RFX7: variants seen among roughly 807,000 people sequenced by gnomAD.
RFX7 encodes regulatory factor X7.
RFX7 carries 26 observed loss-of-function variants against 111.8 expected under a neutral mutation model. That is an observed-to-expected ratio of 0.23 (90% confidence interval 0.17 to 0.32). The LOEUF (loss-of-function observed/expected upper bound fraction) is 0.32, where lower values mean the gene tolerates loss of function less well. Ranked by LOEUF, RFX7 falls within the 10% of genes least tolerant of loss-of-function variation. The pLI is 1.00. For synonymous variants in RFX7, 624 were observed against 624.4 expected (o/e 1.00, Z 0.01); for missense variants, 1,573 against 1,772.9 (o/e 0.89, Z 2.02).
At chr15:56,117,355 T>C (rs2042021753) in intron 5 of RFX7, among the ~76,000 whole-genome samples, 1 of 151,998 alleles carries the variant, frequency 6.6e-6, no homozygotes, top group Non-Finnish European at 1.5e-5. Context: ...GAGGAAAGAA[T>C]ATGAACAAAA....
At chr15:56,099,947 G>C (rs1197165793) in intron 8 of RFX7, among the ~76,000 whole-genome samples, 1 of 152,188 alleles carries the variant, frequency 6.6e-6, no homozygotes, top group African/African-American at 2.4e-5. Context: ...ATAGGAAAGA[G>C]ATGTTTCTTT....
intron 2 of RFX7, among the ~76,000 whole-genome samples, chr15:56,226,843 A>T (rs1482384602): frequency 6.6e-6 from 1 of 152,182 alleles, no homozygotes; most frequent in Non-Finnish European, 1.5e-5. Flanking sequence ...GGGCATCAAA[A>T]GTAAACTGCA....
Position 56,151,060 on chromosome 15 carries a change from C to T in RFX7, c.196-6577G>A, listed in dbSNP as rs570516893. ...CAAGCCTCCAAGAAATATGGGACTA[C>T]GTGAAAAGACCAAATCTACATTTGA... On this transcript the variant is annotated intron_variant, in intron 3 of 9. Transcript: ENST00000559447. Among the ~76,000 whole-genome samples the T allele has an allele frequency of 1.1e-4, 17 of 151,532 alleles. No homozygotes were observed. The East Asian group carries it at 1.2e-3, about 10-fold the overall frequency.
intron 5 of RFX7, among the ~76,000 whole-genome samples, chr15:56,128,397 A>G (rs1277800934): frequency 6.6e-6 from 1 of 152,182 alleles, no homozygotes; most frequent in Non-Finnish European, 1.5e-5. Flanking sequence ...ATTAAGTGTG[A>G]TTTATCCCAG....
intron 3 of RFX7, among the ~76,000 whole-genome samples, chr15:56,168,095 T>C (rs1030904905): frequency 6.6e-6 from 1 of 152,224 alleles, no homozygotes; most frequent in South Asian, 2.1e-4. Context: ...CTGAATTAAA[T>C]GTCTAACTCT....
At chr15:56,191,998 T>TACTCTC (rs749715315) in intron 2 of RFX7, among the ~76,000 whole-genome samples, 2 of 152,122 alleles carry the variant, frequency 1.3e-5, no homozygotes, top group Non-Finnish European at 2.9e-5. Flanking sequence ...GAACACAATA[T>TACTCTC]ACTCTCACTC....
chr15:56,232,558 C>T (rs1356877517), intron 2 of RFX7, among the ~76,000 whole-genome samples: 2 of 151,904 alleles, frequency 1.3e-5, no homozygotes, highest in African/African-American at 4.8e-5. Context: ...CAAATTTCTG[C>T]AGCAGGCTTG....
Position 56,087,794 on chromosome 15 carries a change from C to G in RFX7, c.*5551G>C, listed in dbSNP as rs1336298921. 6.1e-6 allele frequency: 2 copies of G among 328,850 alleles called. No homozygotes were observed. Among genetic ancestry groups the G allele is most frequent in the Non-Finnish European group, 1.2e-5 (2 of 166,624 alleles). The allele number at this position is 328,850 out of a possible 1,614,324, so 20.4% of individuals were successfully genotyped here. A position where few individuals can be genotyped will look rare whatever the true frequency, so the allele number is the denominator to read the frequency against. ...AAAATGGCAGGTGTCTTCTCTAGCA[C>G]CTTGTACAGAGACTGACATATTTTA... On this transcript the variant is annotated 3_prime_UTR_variant, in exon 10 of 10. Coordinates refer to ENST00000559447, the MANE Select transcript of RFX7 (RefSeq NM_022841.7).
intron 3 of RFX7, among the ~76,000 whole-genome samples, chr15:56,169,893 CA>C (rs2042826669): frequency 6.7e-6 from 1 of 148,502 alleles, no homozygotes; most frequent in African/African-American, 2.5e-5. Flanking sequence ...AGAGCAGGAG[CA>C]AAGGGAAGAA....
At chr15:56,176,579 A>G (rs372109268) in intron 3 of RFX7, among the ~76,000 whole-genome samples, 1 of 152,194 alleles carries the variant, frequency 6.6e-6, no homozygotes, top group African/African-American at 2.4e-5. Flanking sequence ...TATTTCCAGC[A>G]AAACCATCTT....
chr15:56,110,193 C>T (rs2041898716), intron 5 of RFX7, among the ~76,000 whole-genome samples: 1 of 125,388 alleles, frequency 8.0e-6, no homozygotes, highest in South Asian at 2.6e-4. Flanking sequence ...GTGAGGGGAG[C>T]CTCTGCCTGG....
At chr15:56,162,111 CT>C (rs1307735979) in intron 3 of RFX7, among the ~76,000 whole-genome samples, 1 of 152,060 alleles carries the variant, frequency 6.6e-6, no homozygotes, top group African/African-American at 2.4e-5. Context: ...TTTCTAGTCA[CT>C]GTGTTTTTAA....
At chr15:56,237,550 CA>C (rs1389651685) in intron 2 of RFX7, among the ~76,000 whole-genome samples, 1 of 152,190 alleles carries the variant, frequency 6.6e-6, no homozygotes, top group Non-Finnish European at 1.5e-5. Flanking sequence ...TCTTTCATAA[CA>C]AGACACTTCT....
intron 2 of RFX7, among the ~76,000 whole-genome samples, chr15:56,190,291 G>A (rs1396200178): frequency 6.6e-6 from 1 of 152,192 alleles, no homozygotes; most frequent in East Asian, 1.9e-4. Flanking sequence ...GTGCAGTGCA[G>A]TGCAGCACAA....
chr15:56,198,474 GA>G (rs1318234111), intron 2 of RFX7, among the ~76,000 whole-genome samples: 6 of 152,080 alleles, frequency 3.9e-5, no homozygotes, highest in Non-Finnish European at 7.4e-5. Context: ...CTGAAATATT[GA>G]AACATATCTC....
chr15:56,087,724 T>C lies in RFX7; in HGVS notation c.*5621A>G, dbSNP rs1292732518. 1 of 351,030 alleles carries C rather than the reference T, an allele frequency of 2.8e-6. No homozygotes were observed. Among genetic ancestry groups the C allele is most frequent in the Non-Finnish European group, 5.6e-6 (1 of 178,046 alleles). The allele number at this position is 351,030 out of a possible 1,614,324, so 21.7% of individuals were successfully genotyped here. A position where few individuals can be genotyped will look rare whatever the true frequency, so the allele number is the denominator to read the frequency against. ...CTGCTATAGTGACCTCATTGCATCC[T>C]GCAAAGACATTCACTGTGTCTTTTT... On this transcript the variant is annotated 3_prime_UTR_variant, in exon 10 of 10. Transcript: ENST00000559447.
intron 2 of RFX7, among the ~76,000 whole-genome samples, chr15:56,217,825 A>G (rs2043378315): frequency 6.6e-6 from 1 of 152,220 alleles, no homozygotes; most frequent in Admixed American, 6.5e-5. Context: ...AAATGACAGT[A>G]ATCCATATTC....
In RFX7 at chr15:56,096,081, A is replaced by G. The variant is rs1220207778; in HGVS notation, c.1647T>C (p.Pro549=). 1.9e-6 allele frequency: 3 copies of G among 1,613,650 alleles called. No individual in the cohort carries two copies. The East Asian group carries it at 6.7e-5, about 36-fold the overall frequency. Residue 549 remains proline (P), a synonymous_variant, in exon 10 of 10, where the codon CCT becomes CCC. Coordinates refer to ENST00000559447, the MANE Select transcript of RFX7 (RefSeq NM_022841.7). ...CATCAGAGTTCTCTTGGCACTGTAC[A>G]GGATGCTCATCTGATGATGTTTCGG... ...VEPETSSDEH[P]VQCQENSDEA...
At chr15:56,135,545 T>A in intron 5 of RFX7, among the ~76,000 whole-genome samples, 1 of 151,602 alleles carries the variant, frequency 6.6e-6, no homozygotes, top group African/African-American at 2.4e-5. Flanking sequence ...GTTGTGAAAA[T>A]TTTCTCCCAT....
Sources: allele counts gnomAD v4.1 joint callset (sites outside exome capture counted in the v4.1 genomes callset), GRCh38; gene constraint gnomAD v4.1.1; transcripts MANE v1.5; gene names NCBI Gene and HGNC (gene_info 2026-07-23, HGNC 2026-07-21).